Variants in C14orf180 observed in about 807,000 individuals in gnomAD.
C14orf180 encodes chromosome 14 open reading frame 180.
C14orf180 carries 13 observed loss-of-function variants against 13.9 expected under a neutral mutation model. The observed-to-expected ratio is 0.94, with a 90% confidence interval of 0.61 to 1.49. C14orf180 has a LOEUF of 1.49. Among genes scored for constraint, C14orf180 ranks in the 40% most tolerant of loss-of-function variants. The pLI is 0.00. For missense variants in C14orf180, 238 were observed against 232.0 expected (o/e 1.03, Z -0.17); for synonymous variants, 113 against 106.3 (o/e 1.06, Z -0.39).
intron 1 of C14orf180, among the ~76,000 whole-genome samples, chr14:104,583,248 A>C (rs1886500521): frequency 6.6e-6 from 1 of 152,186 alleles, no homozygotes; most frequent in Non-Finnish European, 1.5e-5. Context: ...GCCTGGGAGC[A>C]GAGCGTGGCC....
rs1310034036 is a variant in C14orf180, at chr14:104,588,622, CTG to C, written c.331_332del (p.Cys111ArgfsTer82). 1.3e-6 allele frequency: 2 copies of C among 1,497,562 alleles called. No individual in the cohort carries two copies. Among genetic ancestry groups the C allele is most frequent in the South Asian group, 1.3e-5 (1 of 78,776 alleles). 92.8% of individuals were successfully genotyped at this position (1,497,562 alleles called of 1,614,324 possible). On this transcript the variant is annotated frameshift_variant, in exon 5 of 5. Coordinates refer to ENST00000557649, the MANE Select transcript of C14orf180 (RefSeq NM_001008404.3). LOFTEE classifies it low-confidence loss of function (END_TRUNC). ...ACACGGCGGCTCCCTGCTCCTGCAGCTGTGTGTGTGCGTCCTGCTCGTGCTGG... is the reference window on the plus strand; with the variant it reads ...ACACGGCGGCTCCCTGCTCCTGCAGCTGTGTGTGCGTCCTGCTCGTGCTGG... The part of the protein sequence containing the change: ...RPHGGSLLLQ[L>X]CVCVLLVLAL...
chr14:104,586,450 C>T lies in C14orf180; in HGVS notation c.20C>T (p.Ala7Val). 1 of 1,541,506 alleles carries T rather than the reference C, an allele frequency of 6.5e-7. No individual in the cohort carries two copies. The highest frequency in any genetic ancestry group is 1.2e-5 in the South Asian group (1 of 81,988). ...CAGTAAATGAGGACTGCAGCAGGAG[C>T]CGTGAGCCCTGACTCCCGGCCAGAG... MRTAAG[A>V]VSPDSRPETR... Residue 7 changes from alanine (A) to valine (V), a missense_variant, in exon 2 of 5, where the codon GCC (alanine) becomes GTC (valine). Physicochemically the swap from Ala to Val is moderately conservative, Grantham distance 64. Transcript: ENST00000557649.
intron 1 of C14orf180, among the ~76,000 whole-genome samples, chr14:104,583,234 G>A (rs1276564272): frequency 1.3e-5 from 2 of 152,214 alleles, no homozygotes; most frequent in Non-Finnish European, 2.9e-5. Context: ...GGCTCAGGGA[G>A]GCTGCCTGGG....
intron 2 of C14orf180, among the ~76,000 whole-genome samples, chr14:104,587,467 A>C (rs1886667437): frequency 6.6e-6 from 1 of 152,070 alleles, no homozygotes; most frequent in Non-Finnish European, 1.5e-5. Flanking sequence ...CATCCGAGAC[A>C]GCGGGCAGAC....
rs371881395 is a variant in C14orf180, at chr14:104,589,147, G to A, written c.*364G>A. 5.3e-5 allele frequency: 24 copies of A among 449,826 alleles called. No individual in the cohort carries two copies. The highest frequency in any genetic ancestry group is 1.1e-3 in the Middle Eastern group (2 of 1,776). 27.9% of individuals were successfully genotyped at this position (449,826 alleles called of 1,614,324 possible). On this transcript the variant is annotated 3_prime_UTR_variant, in exon 5 of 5. Coordinates refer to ENST00000557649, the MANE Select transcript of C14orf180 (RefSeq NM_001008404.3). The surrounding 1 kb of genome is among the most constrained non-coding windows in gnomAD (Gnocchi z 4.9). Reference sequence around the variant, plus strand: ...GCTAGGGCCTGGCCCGGCCATCACCGTGTGCACCCTCTTGAGGAGGGGGAC... The same window carrying A: ...GCTAGGGCCTGGCCCGGCCATCACCATGTGCACCCTCTTGAGGAGGGGGAC...
intron 1 of C14orf180, among the ~76,000 whole-genome samples, chr14:104,580,925 C>T (rs912114180): frequency 4.6e-5 from 7 of 152,236 alleles, no homozygotes; most frequent in East Asian, 3.9e-4. Context: ...GCTGCTACCT[C>T]GAGCCCTAAC....
intron 1 of C14orf180, among the ~76,000 whole-genome samples, chr14:104,581,803 T>C (rs1886446056): frequency 6.7e-6 from 1 of 149,534 alleles, no homozygotes; most frequent in African/African-American, 2.4e-5. Context: ...AGGCTGCACC[T>C]GGAACAGGGA....
intron 1 of C14orf180, among the ~76,000 whole-genome samples, chr14:104,583,739 A>C (rs552640815): frequency 6.6e-6 from 1 of 152,092 alleles, no homozygotes; most frequent in African/African-American, 2.4e-5. Flanking sequence ...CACCCTCACA[A>C]ACACACTGCC....
At chr14:104,583,396 C>T (rs533706118) in intron 1 of C14orf180, among the ~76,000 whole-genome samples, 2 of 152,308 alleles carry the variant, frequency 1.3e-5, no homozygotes, top group African/African-American at 4.8e-5. Flanking sequence ...CCGAGTGATG[C>T]CAACAGTGGC....
At chr14:104,588,017 C>T (rs1886694804) in intron 3 of C14orf180, 139 bp downstream of exon 3, 4 of 1,165,324 alleles carry the variant, frequency 3.4e-6, no homozygotes, top group Non-Finnish European at 2.4e-6. Context: ...AGTGCCACAA[C>T]CCCTGTAAGA....
At chr14:104,588,351 C>G in intron 4 of C14orf180, 42 bp downstream of exon 4, 1 of 1,611,392 alleles carries the variant, frequency 6.2e-7, no homozygotes, top group Non-Finnish European at 8.5e-7. Context: ...CTGCCCCCTC[C>G]GTGGGTGCAC....
chr14:104,585,242 T>A (rs543360987), intron 1 of C14orf180, among the ~76,000 whole-genome samples: 38 of 152,236 alleles, frequency 2.5e-4, no homozygotes, highest in African/African-American at 4.3e-4. Context: ...CTGCCCCCTA[T>A]CCAGCTGGGA....
At chr14:104,586,289 C>T (rs1886613380) in intron 1 of C14orf180, 126 bp from the exon 2 acceptor site, 9 of 565,276 alleles carry the variant, frequency 1.6e-5, no homozygotes, top group Middle Eastern at 4.6e-4. Context: ...TGCTCAACAG[C>T]GTGGCCGGTC....
At chr14:104,580,119 G>A (rs1263203766) in intron 1 of C14orf180, 116 bp downstream of exon 1, 1 of 151,368 alleles carries the variant, frequency 6.6e-6, no homozygotes, top group Admixed American at 6.6e-5. Context: ...CTGGGCAGCA[G>A]GTGTGGGCAG....
intron 1 of C14orf180, among the ~76,000 whole-genome samples, chr14:104,584,497 ACAGG>A (rs1886548347): frequency 6.6e-6 from 1 of 152,148 alleles, no homozygotes; most frequent in Admixed American, 6.5e-5. Context: ...CCTGCTACGG[ACAGG>A]CAGTCAAGGT....
chr14:104,588,650 C>G lies in C14orf180; in HGVS notation c.350C>G (p.Ala117Gly). The change falls in exon 5 of 5, where the codon GCC becomes GGC. Residue 117 changes from alanine to glycine, a missense_variant. By Grantham distance (60) the Ala-to-Gly change is moderately conservative (BLOSUM62 0). Transcript: ENST00000557649. Reference protein sequence around the residue: ...QLCVCVLLVLALGLYCGRAKP... With the variant: ...QLCVCVLLVLGLGLYCGRAKP... ...TGTGTGTGCGTCCTGCTCGTGCTGG[C>G]CCTGGGCCTATACTGCGGCCGGGCC... 1 of 1,530,662 alleles carries G rather than the reference C, an allele frequency of 6.5e-7. No individual in the cohort carries two copies. The highest frequency in any genetic ancestry group is 1.7e-4 in the Middle Eastern group (1 of 5,768). The allele number at this position is 1,530,662 out of a possible 1,614,324, so 94.8% of individuals were successfully genotyped here.
At chr14:104,580,447 C>T (rs552076107) in intron 1 of C14orf180, among the ~76,000 whole-genome samples, 9 of 152,312 alleles carry the variant, frequency 5.9e-5, no homozygotes, top group Non-Finnish European at 7.3e-5. Flanking sequence ...CCTGATGTTG[C>T]GCGAAACAGC....
chr14:104,582,853 G>A (rs889923598), intron 1 of C14orf180, among the ~76,000 whole-genome samples: 3 of 152,114 alleles, frequency 2.0e-5, no homozygotes, highest in South Asian at 2.1e-4. Flanking sequence ...CATCTGTCAC[G>A]AGGCCTCCAG....
At chr14:104,584,510 G>T (rs1886549093) in intron 1 of C14orf180, among the ~76,000 whole-genome samples, 1 of 152,122 alleles carries the variant, frequency 6.6e-6, no homozygotes, top group African/African-American at 2.4e-5. Flanking sequence ...GGCAGTCAAG[G>T]TTGCCCTGCC....
Sources: allele counts gnomAD v4.1 joint callset (sites outside exome capture counted in the v4.1 genomes callset), GRCh38; gene constraint gnomAD v4.1.1; non-coding constraint Gnocchi (gnomAD v3.1); transcripts MANE v1.5; gene names NCBI Gene and HGNC (gene_info 2026-07-23, HGNC 2026-07-21).